Variants in TRIM2 observed in about 807,000 individuals in gnomAD.
TRIM2 encodes tripartite motif-containing protein 2.
A neutral mutation model predicts 75.2 loss-of-function variants in TRIM2; 20 were observed. That is an observed-to-expected ratio of 0.27 (90% CI 0.19 to 0.39). The LOEUF is 0.39. TRIM2 is among the 10% of genes least tolerant of loss of function. The pLI is 1.00. For missense variants in TRIM2, 660 were observed against 990.8 expected (o/e 0.67, Z 4.48); for synonymous variants, 373 against 388.3 (o/e 0.96, Z 0.46).
chr4:153,308,588 T>C, intron 6 of TRIM2: 1 of 664,502 alleles, frequency 1.5e-6, no homozygotes, highest in South Asian at 1.4e-5. Flanking sequence ...TTAGTCAAAA[T>C]GTTGACAGTG....
At chr4:153,249,241 T>G (rs1169684312) in intron 1 of TRIM2, among the ~76,000 whole-genome samples, 1 of 152,228 alleles carries the variant, frequency 6.6e-6, no homozygotes, top group Non-Finnish European at 1.5e-5. Flanking sequence ...GCAATCGCCA[T>G]CTGGGTGGAG....
intron 3 of TRIM2, among the ~76,000 whole-genome samples, chr4:153,283,642 C>CTTTT (rs766776861): frequency 8.0e-6 from 1 of 124,590 alleles, no homozygotes; most frequent in African/African-American, 3.2e-5. Context: ...TGTTTTTTTT[C>CTTTT]TTTTTTTTTT....
Position 153,256,907 on chromosome 4 carries a change from C to CTGTT in TRIM2, c.31-13410_31-13407dup, listed in dbSNP as rs139703340. 5.2e-3 allele frequency among the ~76,000 whole-genome samples: 796 copies of CTGTT among 151,840 alleles called. 1 individual carries two copies. The highest frequency in any genetic ancestry group is 0.015 in the African/African-American group (610 of 41,342). ...AGTAGTAGGGGCTTGTGGAACTGGACTGTTTGTTTGTTTGTTTGTTTTTTG... is the reference window on the plus strand; with the variant it reads ...AGTAGTAGGGGCTTGTGGAACTGGACTGTTTGTTTGTTTGTTTGTTTGTTTTTTG... On this transcript the variant is annotated intron_variant, in intron 1 of 11. Transcript: ENST00000338700.
chr4:153,214,761 T>C (rs759515074), intron 1 of TRIM2, among the ~76,000 whole-genome samples: 1 of 152,164 alleles, frequency 6.6e-6, no homozygotes, highest in African/African-American at 2.4e-5. Flanking sequence ...CTCCCCTAGG[T>C]AAGTTCTGAT....
At chr4:153,287,061 C>G (rs1322412060) in intron 3 of TRIM2, among the ~76,000 whole-genome samples, 1 of 152,004 alleles carries the variant, frequency 6.6e-6, no homozygotes, top group East Asian at 1.9e-4. Flanking sequence ...TCACTGCAGC[C>G]TCATAATCTT....
chr4:153,320,895 G>A (rs1768812280), intron 8 of TRIM2, among the ~76,000 whole-genome samples: 1 of 152,172 alleles, frequency 6.6e-6, no homozygotes, highest in Admixed American at 6.5e-5. Flanking sequence ...GCCTCCCAAA[G>A]TGCTGGGATT....
intron 11 of TRIM2, among the ~76,000 whole-genome samples, chr4:153,332,657 A>G (rs1771743102): frequency 6.6e-6 from 1 of 152,114 alleles, no homozygotes; most frequent in African/African-American, 2.4e-5. Context: ...AAAAAAAAAA[A>G]AGAAAAACGA....
rs369563647 is a variant in TRIM2, at chr4:153,190,957, G to A, written c.-49+37687G>A. On this transcript the variant is annotated intron_variant, in intron 1 of 11. Coordinates refer to the TRIM2 transcript ENST00000437508. ...TTACCATGTTGGCCAGGCTGGTCTC[G>A]AACTCCTGACCCCAAGCGATCCACC... Among the ~76,000 whole-genome samples the A allele has an allele frequency of 9.2e-5, 14 of 152,198 alleles. No individual in the cohort carries two copies. The East Asian group carries it at 2.7e-3, about 29-fold the overall frequency.
intron 1 of TRIM2, among the ~76,000 whole-genome samples, chr4:153,240,597 C>G (rs1445688672): frequency 6.6e-6 from 1 of 152,178 alleles, no homozygotes; most frequent in Non-Finnish European, 1.5e-5. Flanking sequence ...CTAGGGCTCT[C>G]CAGATTTTAA....
intron 11 of TRIM2, among the ~76,000 whole-genome samples, chr4:153,330,540 C>A (rs912577023): frequency 6.6e-5 from 10 of 152,060 alleles, no homozygotes; most frequent in Non-Finnish European, 1.5e-4. Flanking sequence ...GCTTGGGAGG[C>A]TGCCCTTTAA....
chr4:153,193,715 T>TCAAAC (rs1733468820), intron 1 of TRIM2, among the ~76,000 whole-genome samples: 1 of 152,130 alleles, frequency 6.6e-6, no homozygotes, highest in Admixed American at 6.6e-5. Flanking sequence ...TCTCAAACAC[T>TCAAAC]ACCATGCTGC....
chr4:153,290,125 G>A (rs943894844), intron 3 of TRIM2, among the ~76,000 whole-genome samples: 1 of 152,208 alleles, frequency 6.6e-6, no homozygotes, highest in Non-Finnish European at 1.5e-5. Flanking sequence ...GCTCAGCCTT[G>A]ATAGGAATTA....
rs1376601363 is a variant in TRIM2, at chr4:153,338,876, A to G, written c.*3910A>G. ...CATGGGAATGTTCTGTCATCAATGG[A>G]GTGTATTCTTGTAATAGAATTCTTT... is the stretch of plus-strand genomic sequence containing the variant. On this transcript the variant is annotated 3_prime_UTR_variant, in exon 12 of 12. Transcript: ENST00000338700. 2.0e-6 allele frequency: 2 copies of G among 985,488 alleles called. No homozygotes were observed. The highest frequency in any genetic ancestry group is 2.3e-4 in the East Asian group (2 of 8,832). 61.0% of individuals were successfully genotyped at this position (985,488 alleles called of 1,614,324 possible).
At chr4:153,169,352 T>C (rs893510062) in intron 1 of TRIM2, among the ~76,000 whole-genome samples, 17 of 152,358 alleles carry the variant, frequency 1.1e-4, no homozygotes, top group Middle Eastern at 3.4e-3. Context: ...CATGCTTTAA[T>C]GTACACATTG....
At chr4:153,162,054 C>T (rs1362803910) in intron 1 of TRIM2, among the ~76,000 whole-genome samples, 1 of 152,188 alleles carries the variant, frequency 6.6e-6, no homozygotes, top group Non-Finnish European at 1.5e-5. Flanking sequence ...CTGTTGTCTG[C>T]ATTCTTGCCA....
intron 1 of TRIM2, among the ~76,000 whole-genome samples, chr4:153,167,434 C>T (rs537481787): frequency 3.9e-5 from 6 of 152,228 alleles, no homozygotes; most frequent in South Asian, 4.2e-4. Context: ...TTGAGGATGA[C>T]GCAATGGCAA....
rs1253586902 is a variant in TRIM2, at chr4:153,244,404, T to C, written c.31-25931T>C. 1.3e-4 allele frequency among the ~76,000 whole-genome samples: 12 copies of C among 90,244 alleles called. 1 individual carries two copies. The highest frequency in any genetic ancestry group is 8.6e-4 in the African/African-American group (12 of 13,908). The allele number at this position is 90,244 out of a possible 152,430, so 59.2% of individuals were successfully genotyped here. On this transcript the variant is annotated intron_variant, in intron 1 of 11. Coordinates refer to ENST00000338700, the MANE Select transcript of TRIM2 (RefSeq NM_015271.5). ...TTCTTCTTCTTCTTCTTCTTCTTCT[T>C]CTTCTTCTTCTTCTTCTTCTTCTTC...
rs1216850170 is a variant in TRIM2 at position 153,295,012 on chromosome 4, T to C, written c.787-301T>C. 6.6e-6 allele frequency among the ~76,000 whole-genome samples: 1 copy of C among 152,232 alleles called. No homozygotes were observed. The highest frequency in any genetic ancestry group is 2.4e-5 in the African/African-American group (1 of 41,462). On this transcript the variant is annotated intron_variant, in intron 5 of 11. Coordinates refer to ENST00000338700, the MANE Select transcript of TRIM2 (RefSeq NM_015271.5). This position sits in a 1 kb window ranked among gnomAD's most constrained non-coding sequence, Gnocchi z 7.2. ...TAATGAATATTTCAGATGTCAGGCA[T>C]AGCAATTAATTTGCTATGCTCTTGG...
At chr4:153,214,540 C>T (rs72727861) in intron 1 of TRIM2, among the ~76,000 whole-genome samples, 9,819 of 152,212 alleles carry the variant, frequency 0.065, 434 homozygotes, top group Non-Finnish European at 0.1. Flanking sequence ...GTTTACCCTA[C>T]GGAAAATTTT....
Sources: allele counts gnomAD v4.1 joint callset (sites outside exome capture counted in the v4.1 genomes callset), GRCh38; gene constraint gnomAD v4.1.1; non-coding constraint Gnocchi (gnomAD v3.1); transcripts MANE v1.5; gene names NCBI Gene and HGNC (gene_info 2026-07-23, HGNC 2026-07-21).